The following NFASC variants were observed in gnomAD, a reference collection of about 807,000 sequenced individuals.
NFASC encodes the protein neurofascin, also known as neurofascin homolog.
NFASC carries 43 observed loss-of-function variants against 147.5 expected under a neutral mutation model. That is an observed-to-expected ratio of 0.29 (90% confidence interval 0.23 to 0.38). The LOEUF is 0.38. Among genes scored for constraint, NFASC ranks in the 10% least tolerant of loss-of-function variants. The pLI is 1.00. For synonymous variants in NFASC, 622 were observed against 665.5 expected (o/e 0.93, Z 1.01); for missense variants, 1,320 against 1,689.0 (o/e 0.78, Z 3.83).
intron 1 of NFASC, among the ~76,000 whole-genome samples, chr1:204,906,941 C>A (rs1287231699): frequency 1.3e-5 from 2 of 152,154 alleles, no homozygotes; most frequent in Non-Finnish European, 2.9e-5. Context: ...CCTTGGCCTC[C>A]CAAAGTGCTG....
chr1:204,933,918 A>G (rs2092596115), intron 2 of NFASC, among the ~76,000 whole-genome samples: 1 of 152,242 alleles, frequency 6.6e-6, no homozygotes, highest in Middle Eastern at 3.4e-3. Flanking sequence ...TGGGTGGATC[A>G]TCTATGGTCA....
chr1:204,870,629 G>A, intron 1 of NFASC: 2 of 1,010,504 alleles, frequency 2.0e-6, no homozygotes, highest in African/African-American at 1.7e-5. Context: ...TGTGTCATGG[G>A]CCACACAACT....
At chr1:204,974,487 T>C in intron 13 of NFASC, 170 bp from the exon 14 acceptor site, 1 of 897,718 alleles carries the variant, frequency 1.1e-6, no homozygotes, top group Non-Finnish European at 1.8e-6. Context: ...GGATGGAGGC[T>C]TGCCAGGGCC....
At chr1:204,950,480 A>C in intron 3 of NFASC, 77 bp from the exon 4 acceptor site, 1 of 1,361,984 alleles carries the variant, frequency 7.3e-7, no homozygotes, top group Non-Finnish European at 1.0e-6. Context: ...CTGGGGCGTG[A>C]GGATGCCTGG....
At position 205,001,186 on chromosome 1, in the gene NFASC, C is replaced by CATATGG. The variant is rs2095976548; in HGVS notation, c.3038_3043dup (p.Ile1013_Trp1014dup). 6.2e-7 allele frequency: 1 copy of CATATGG among 1,609,752 alleles called. No individual in the cohort carries two copies. The highest frequency in any genetic ancestry group is 1.3e-5 in the African/African-American group (1 of 74,826). ...GTCCACCAGCCCCTGATGAGCAGTC[C>CATATGG]ATATGGAACGTCACGGTGCTCCCCA... On this transcript the variant is annotated inframe_insertion, in exon 26 of 30. Coordinates refer to ENST00000339876, the MANE Select transcript of NFASC (RefSeq NM_001005388.3).
chr1:204,933,355 T>C (rs1408741563), intron 2 of NFASC, among the ~76,000 whole-genome samples: 1 of 152,250 alleles, frequency 6.6e-6, no homozygotes, highest in East Asian at 1.9e-4. Flanking sequence ...CCTTGATGCC[T>C]GGGTATGGGC....
intron 24 of NFASC, among the ~76,000 whole-genome samples, chr1:204,991,738 G>T (rs991123970): frequency 2.0e-5 from 3 of 152,240 alleles, no homozygotes; most frequent in Non-Finnish European, 4.4e-5. Flanking sequence ...TCCTGGTGGG[G>T]CTGCCATCTC....
intron 14 of NFASC, 92 bp downstream of exon 14, chr1:204,974,915 A>G (rs1158591432): frequency 1.5e-6 from 2 of 1,344,866 alleles, no homozygotes; most frequent in Non-Finnish European, 2.1e-6. Flanking sequence ...TTGAAAATGC[A>G]CCACACCTGT....
chr1:204,968,816 A>G lies in NFASC; in HGVS notation c.837A>G (p.Ala279=), dbSNP rs1236597994. The change falls in exon 10 of 30, where the codon GCA becomes GCG. Residue 279 remains alanine (A), a synonymous_variant. Transcript: ENST00000339876. The surrounding 1 kb of genome is among the most constrained non-coding windows in gnomAD (Gnocchi z 5.4). ...CTCCTAGCCCAACACCAGACATCGC[A>G]TGGTACAAGAAAGGTGGGGACCTCC... ...IASGVPTPDI[A]WYKKGGDLPS... 1.9e-6 allele frequency: 3 copies of G among 1,613,330 alleles called. No individual in the cohort carries two copies. Among genetic ancestry groups the G allele is most frequent in the African/African-American group, 1.3e-5 (1 of 74,904 alleles).
intron 1 of NFASC, among the ~76,000 whole-genome samples, chr1:204,830,878 C>T (rs7530404): frequency 0.012 from 1,774 of 152,284 alleles, 30 homozygotes; most frequent in African/African-American, 0.038. Flanking sequence ...ATCCAAGTGA[C>T]TGGACTCCTT....
rs138837980 is a variant in NFASC, at chr1:204,836,428, G to T, written c.-200+7646G>T. Reference sequence around the variant, plus strand: ...GTGTAATATTGAGGTAAAATTTTAAGTCTGTCTCCCTGCCACCTAATTCTT... The same window carrying T: ...GTGTAATATTGAGGTAAAATTTTAATTCTGTCTCCCTGCCACCTAATTCTT... On this transcript the variant is annotated intron_variant, in intron 1 of 29. Coordinates refer to ENST00000339876, the MANE Select transcript of NFASC (RefSeq NM_001005388.3). 3.6e-3 allele frequency among the ~76,000 whole-genome samples: 546 copies of T among 152,260 alleles called. 5 individuals carry two copies. Among genetic ancestry groups the T allele is most frequent in the African/African-American group, 0.013 (523 of 41,564 alleles).
At chr1:204,873,608 G>A (rs1331754705) in intron 1 of NFASC, among the ~76,000 whole-genome samples, 1 of 152,314 alleles carries the variant, frequency 6.6e-6, no homozygotes, top group East Asian at 1.9e-4. Context: ...CCCGGGGAAG[G>A]CTTCGTTCTT....
intron 1 of NFASC, among the ~76,000 whole-genome samples, chr1:204,830,194 G>A (rs2102314484): frequency 6.6e-6 from 1 of 152,326 alleles, no homozygotes; most frequent in East Asian, 1.9e-4. Context: ...CAAATCTCCA[G>A]CAAGGCAAGG....
intron 2 of NFASC, among the ~76,000 whole-genome samples, chr1:204,942,392 G>C (rs978507816): frequency 6.6e-6 from 1 of 152,182 alleles, no homozygotes; most frequent in African/African-American, 2.4e-5. Context: ...CAGGATGCAA[G>C]GGAGAGATGA....
intron 3 of NFASC, chr1:204,946,719 A>C: frequency 1.9e-6 from 1 of 519,120 alleles, no homozygotes; most frequent in Non-Finnish European, 3.9e-6. Context: ...ATTTCTATAG[A>C]AACAAGTTAA....
At chr1:204,921,363 C>T (rs981615472) in intron 2 of NFASC, among the ~76,000 whole-genome samples, 17 of 152,330 alleles carry the variant, frequency 1.1e-4, no homozygotes, top group Non-Finnish European at 1.6e-4. Flanking sequence ...AGAGCAGTAA[C>T]GGGCAGTAGT....
intron 1 of NFASC, among the ~76,000 whole-genome samples, chr1:204,868,434 C>G (rs1322681616): frequency 6.6e-6 from 1 of 152,166 alleles, no homozygotes; most frequent in Non-Finnish European, 1.5e-5. Flanking sequence ...CCCAGGCAGG[C>G]CAGCTGTTAC....
chr1:204,848,996 G>C (rs777417199), intron 1 of NFASC, among the ~76,000 whole-genome samples: 2 of 152,268 alleles, frequency 1.3e-5, no homozygotes, highest in Non-Finnish European at 2.9e-5. Context: ...CTAGGGCTTG[G>C]AGGCAGGCCT....
chr1:204,901,180 C>G (rs1375419993), intron 1 of NFASC, among the ~76,000 whole-genome samples: 1 of 152,122 alleles, frequency 6.6e-6, no homozygotes, highest in Non-Finnish European at 1.5e-5. Flanking sequence ...TACAACTGGA[C>G]ATGTCAAGTA....
Sources: gnomAD v4.1 joint callset for allele counts (sites outside exome capture counted in the v4.1 genomes callset) on GRCh38, gnomAD v4.1.1 for gene constraint, Gnocchi (gnomAD v3.1) non-coding constraint, MANE v1.5 for transcripts, NCBI Gene and HGNC (gene_info 2026-07-23, HGNC 2026-07-21) for gene names.